The following DNAH17 variants were observed in gnomAD, a reference collection of about 807,000 sequenced individuals.
The protein encoded by DNAH17 is axonemal beta dynein heavy chain 17.
A neutral mutation model predicts 485.6 loss-of-function variants in DNAH17; 376 were observed. The ratio of observed to expected loss-of-function variants is 0.77; its 90% CI spans 0.71 to 0.84. The LOEUF is 0.84. Ranked by LOEUF, DNAH17 falls within the 40% of genes least tolerant of loss-of-function variation. The pLI, the probability that DNAH17 is intolerant of heterozygous loss-of-function variation, is 0.00. For missense variants in DNAH17, 6,370 were observed against 5,839.3 expected (o/e 1.09, Z -2.96); for synonymous variants, 3,031 against 2,405.9 (o/e 1.26, Z -7.60).
intron 10 of DNAH17, 87 bp from the exon 11 acceptor site, chr17:78,566,817 A>T: frequency 7.6e-7 from 1 of 1,313,590 alleles, no homozygotes; most frequent in Non-Finnish European, 1.1e-6. Flanking sequence ...TGCTGAGAGG[A>T]CTCGGGACTG....
chr17:78,465,873 G>A (rs939769266), intron 56 of DNAH17, among the ~76,000 whole-genome samples: 22 of 151,650 alleles, frequency 1.5e-4, no homozygotes, highest in Admixed American at 9.2e-4. Flanking sequence ...CTGCCCAGCC[G>A]CCCCTACTGG....
intron 24 of DNAH17, 137 bp downstream of exon 24, chr17:78,526,514 A>C: frequency 1.4e-6 from 1 of 693,700 alleles, no homozygotes; most frequent in Non-Finnish European, 2.4e-6. Flanking sequence ...ATGCATACAC[A>C]TAAGAGCACT....
chr17:78,531,617 C>T (rs535604649), intron 20 of DNAH17, among the ~76,000 whole-genome samples: 1 of 152,150 alleles, frequency 6.6e-6, no homozygotes, highest in South Asian at 2.1e-4. Flanking sequence ...GTATCACAGG[C>T]GTGAGCCACC....
chr17:78,472,284 G>A (rs1342509164), intron 54 of DNAH17, among the ~76,000 whole-genome samples: 6 of 143,730 alleles, frequency 4.2e-5, no homozygotes, highest in African/African-American at 1.7e-4. Flanking sequence ...GGGTGCGAGG[G>A]TTAGGGTTAG....
intron 16 of DNAH17, 93 bp from the exon 17 acceptor site, chr17:78,544,090 C>A: frequency 6.4e-7 from 1 of 1,556,222 alleles, no homozygotes; most frequent in East Asian, 2.3e-5. Flanking sequence ...TGAGTTTCGT[C>A]ACTGCTGCCT....
intron 75 of DNAH17, among the ~76,000 whole-genome samples, chr17:78,430,387 T>C (rs992622391): frequency 2.0e-5 from 3 of 152,204 alleles, no homozygotes; most frequent in Non-Finnish European, 4.4e-5. Flanking sequence ...TCTTCCTGCT[T>C]CCGCACACCT....
At chr17:78,435,499 G>A (rs2086825941) in intron 74 of DNAH17, among the ~76,000 whole-genome samples, 1 of 152,142 alleles carries the variant, frequency 6.6e-6, no homozygotes, top group Non-Finnish European at 1.5e-5. Context: ...ACCAGAGATG[G>A]GATGAGGTGC....
At position 78,449,895 on chromosome 17, in the gene DNAH17, T is replaced by C. The variant is rs1293965423; in HGVS notation, c.11041-311A>G. ...TTCACCATGTTGGTCAGGCTGGTCT[T>C]GAACTCCTGACCTCAGGTGATCCAC... On this transcript the variant is annotated intron_variant, in intron 68 of 80. Transcript: ENST00000389840. The C allele has an allele frequency of 9.3e-6, 4 of 427,868 alleles. 1 individual carries two copies. Among genetic ancestry groups the C allele is most frequent in the African/African-American group, 5.9e-5 (3 of 50,710 alleles). 26.5% of individuals were successfully genotyped at this position (427,868 alleles called of 1,614,324 possible).
chr17:78,574,094 C>G (rs567048413), intron 2 of DNAH17, among the ~76,000 whole-genome samples: 1 of 152,214 alleles, frequency 6.6e-6, no homozygotes, highest in African/African-American at 2.4e-5. Flanking sequence ...CAACCGTACC[C>G]GGCACAGCAT....
rs983236024 is a variant in DNAH17 at position 78,500,473 on chromosome 17, C to G, written c.5484-12G>C. 6.4e-7 allele frequency: 1 copy of G among 1,558,060 alleles called. No homozygotes were observed. The highest frequency in any genetic ancestry group is 1.4e-5 in the African/African-American group (1 of 72,176). Reference sequence around the variant, plus strand: ...GGGTGATATAGCACCTGCAAGTGACCACAGGTAAGCGTGTGTGCCAGCGAC... The same window carrying G: ...GGGTGATATAGCACCTGCAAGTGACGACAGGTAAGCGTGTGTGCCAGCGAC... On this transcript the variant is annotated splice_polypyrimidine_tract_variant and intron_variant, in intron 35 of 80. Transcript: ENST00000389840.
In DNAH17 at chr17:78,478,716, C is replaced by A. The variant is rs577159717; in HGVS notation, c.7992+309G>T. Among the ~76,000 whole-genome samples, 28 of 140,282 alleles carry A rather than the reference C, an allele frequency of 2.0e-4. No individual in the cohort carries two copies. In the East Asian group the frequency reaches 4.1e-3, roughly 21 times the overall value. 92.0% of individuals were successfully genotyped at this position (140,282 alleles called of 152,430 possible). A position where few individuals can be genotyped will look rare whatever the true frequency, so the allele number is the denominator to read the frequency against. On this transcript the variant is annotated intron_variant, in intron 51 of 80. Coordinates refer to ENST00000389840, the MANE Select transcript of DNAH17 (RefSeq NM_173628.4). ...ATTACCATCATTACCATCACCACCA[C>A]TATTGCCATCATCACCACCATCATC...
intron 22 of DNAH17, among the ~76,000 whole-genome samples, chr17:78,528,742 A>T (rs936374907): frequency 6.8e-4 from 104 of 152,008 alleles, no homozygotes; most frequent in African/African-American, 2.4e-3. Flanking sequence ...CCCAGCCTGC[A>T]CACACCCCTC....
At chr17:78,535,502 A>G (rs1209869843) in intron 19 of DNAH17, among the ~76,000 whole-genome samples, 1 of 152,178 alleles carries the variant, frequency 6.6e-6, no homozygotes, top group Non-Finnish European at 1.5e-5. Flanking sequence ...GCAAATACGC[A>G]CACGGGCACA....
At position 78,486,124 on chromosome 17, in the gene DNAH17, A is replaced by T. The variant is rs1047394058; in HGVS notation, c.7111T>A (p.Tyr2371Asn). 1.2e-6 allele frequency: 2 copies of T among 1,613,432 alleles called. No homozygotes were observed. The highest frequency in any genetic ancestry group is 1.7e-5 in the Admixed American group (1 of 59,956). The change falls in exon 46 of 81, where the codon TAT becomes AAT. Residue 2371 changes from tyrosine (Y) to asparagine (N), a missense_variant. Tyr to Asn is a moderately radical substitution (Grantham distance 143, BLOSUM62 -2). Transcript: ENST00000389840. ...GAMFQDQLVDYRVEFSKWWIN... is the reference protein window; with the variant it reads ...GAMFQDQLVDNRVEFSKWWIN... ...CACCATTTACTGAACTCCACTCGAT[A>T]ATCCACAAGCTGTTGAGACACAGAA...
intron 14 of DNAH17, among the ~76,000 whole-genome samples, chr17:78,553,190 A>AAACAG (rs1314315670): frequency 6.6e-6 from 1 of 151,602 alleles, no homozygotes; most frequent in Non-Finnish European, 1.5e-5. Flanking sequence ...GTCCCCCCAG[A>AAACAG]AACAGAAACC....
chr17:78,480,796 GA>G lies in DNAH17; in HGVS notation c.7650-11del, dbSNP rs1280506040. The G allele has an allele frequency of 8.1e-6, 13 of 1,602,924 alleles. No individual in the cohort carries two copies. Among genetic ancestry groups the G allele is most frequent in the South Asian group, 6.7e-5 (6 of 90,118 alleles). ...CTTATGTCTGTCATACCTGAGGGGGGAAACCAGCATTCATGTTGTGCCCCTG... is the reference window on the plus strand; with the variant it reads ...CTTATGTCTGTCATACCTGAGGGGGGAACCAGCATTCATGTTGTGCCCCTG... On this transcript the variant is annotated splice_polypyrimidine_tract_variant and intron_variant, in intron 48 of 80. Coordinates refer to ENST00000389840, the MANE Select transcript of DNAH17 (RefSeq NM_173628.4).
At chr17:78,490,053 G>A (rs1447048663) in intron 44 of DNAH17, 19 of 152,180 alleles carry the variant, frequency 1.2e-4, no homozygotes, top group Admixed American at 1.2e-3. Flanking sequence ...CCGAAAATAT[G>A]CCTCTGGAAT....
chr17:78,475,943 G>T, intron 52 of DNAH17, 110 bp from the exon 53 acceptor site: 1 of 1,266,078 alleles, frequency 7.9e-7, no homozygotes, highest in Non-Finnish European at 1.1e-6. Flanking sequence ...GTCACCACGG[G>T]GTCCCAGGCC....
In DNAH17 at chr17:78,437,871, G is replaced by A. The variant is rs750664254; in HGVS notation, c.11806-3C>T. The A allele has an allele frequency of 3.1e-5, 50 of 1,605,656 alleles. No homozygotes were observed. The highest frequency in any genetic ancestry group is 2.8e-5 in the Non-Finnish European group (33 of 1,175,468). ...CACCGGGCCACCAGGTGGATATTCT[G>A]CAGCCAAGACTAGAGGCTGGTTACA... is the stretch of plus-strand genomic sequence containing the variant. On this transcript the variant is annotated splice_region_variant and splice_polypyrimidine_tract_variant and intron_variant, in intron 73 of 80. Transcript: ENST00000389840.
Sources: gnomAD v4.1 joint callset for allele counts (sites outside exome capture counted in the v4.1 genomes callset) on GRCh38, gnomAD v4.1.1 for gene constraint, MANE v1.5 for transcripts, NCBI Gene and HGNC (gene_info 2026-07-23, HGNC 2026-07-21) for gene names.